PCDHA6: variants seen among roughly 807,000 people sequenced by gnomAD.
PCDHA6 encodes the protein protocadherin alpha-6.
Under a neutral mutation model 60.3 loss-of-function variants are expected in PCDHA6, and 55 were observed. The ratio of observed to expected loss-of-function variants is 0.91; its 90% CI spans 0.73 to 1.14. The LOEUF is 1.14. PCDHA6 is among the 50% of genes most tolerant of loss of function. The pLI, the probability that PCDHA6 is intolerant of heterozygous loss-of-function variation, is 0.00. For synonymous variants in PCDHA6, 652 were observed against 557.9 expected (o/e 1.17, Z -2.38); for missense variants, 1,327 against 1,256.5 (o/e 1.06, Z -0.85).
rs1229103510 is a variant in PCDHA6, at chr5:140,850,051, C to T, written c.2394+19566C>T. The T allele has an allele frequency of 6.3e-6, 10 of 1,596,302 alleles. 1 individual carries two copies. The highest frequency in any genetic ancestry group is 7.7e-6 in the Non-Finnish European group (9 of 1,167,790). Reference sequence around the variant, plus strand: ...CACGCGGAGAGCGGCAAGGTGTACGCGCTGCAGCCGTTGGACCACGAGGAG... The same window carrying T: ...CACGCGGAGAGCGGCAAGGTGTACGTGCTGCAGCCGTTGGACCACGAGGAG... On this transcript the variant is annotated intron_variant, in intron 1 of 3. Coordinates refer to ENST00000529310, the MANE Select transcript of PCDHA6 (RefSeq NM_018909.4).
At chr5:140,971,419 G>A (rs1554233321) in intron 1 of PCDHA6, among the ~76,000 whole-genome samples, 1 of 152,140 alleles carries the variant, frequency 6.6e-6, no homozygotes. Context: ...TGGAAATCCA[G>A]TGAAGAACCC....
rs200850648 is a variant in PCDHA6, at chr5:140,842,182, T to C, written c.2394+11697T>C. 3.0e-4 allele frequency: 478 copies of C among 1,613,232 alleles called. 6 individuals carry two copies. Among genetic ancestry groups the C allele is most frequent in the African/African-American group, 2.2e-3 (164 of 74,868 alleles). ...ATTCTTTTAATAGCCTTGTTGAAAC[T>C]ATGGTTATTGACCACTTTAGCATAG... is the stretch of plus-strand genomic sequence containing the variant. On this transcript the variant is annotated intron_variant, in intron 1 of 3. Coordinates refer to ENST00000529310, the MANE Select transcript of PCDHA6 (RefSeq NM_018909.4).
intron 1 of PCDHA6, among the ~76,000 whole-genome samples, chr5:140,946,752 A>G (rs1470208958): frequency 9.2e-5 from 14 of 151,470 alleles, no homozygotes; most frequent in African/African-American, 3.4e-4. Context: ...CAAATACTGC[A>G]TGATCTCATT....
intron 1 of PCDHA6, among the ~76,000 whole-genome samples, chr5:140,941,906 GC>G: frequency 6.6e-6 from 1 of 152,248 alleles, no homozygotes; most frequent in South Asian, 2.1e-4. Context: ...ACATTGAAAT[GC>G]TTTTATGTAT....
intron 1 of PCDHA6, among the ~76,000 whole-genome samples, chr5:140,924,904 AAT>A (rs1277700524): frequency 5.2e-4 from 28 of 54,160 alleles, no homozygotes; most frequent in African/African-American, 2.1e-3. Context: ...CAAAAAAAAA[AAT>A]AAAATAAAAT....
At chr5:140,974,931 A>G (rs555720345) in intron 1 of PCDHA6, among the ~76,000 whole-genome samples, 1 of 152,324 alleles carries the variant, frequency 6.6e-6, no homozygotes, top group African/African-American at 2.4e-5. Context: ...TGTTTAAAAC[A>G]CCACCTATTT....
At chr5:140,947,095 A>T (rs2094086285) in intron 1 of PCDHA6, among the ~76,000 whole-genome samples, 1 of 151,642 alleles carries the variant, frequency 6.6e-6, no homozygotes, top group Non-Finnish European at 1.5e-5. Flanking sequence ...ACTGTAGCCC[A>T]TAAATAGGTA....
intron 1 of PCDHA6, chr5:140,859,802 T>G (rs1318090519): frequency 6.6e-6 from 1 of 152,544 alleles, no homozygotes; most frequent in Non-Finnish European, 1.5e-5. Flanking sequence ...TTATAGATGC[T>G]AAGTTAATGC....
At chr5:140,836,250 C>T (rs1554135772) in intron 1 of PCDHA6, 18 of 1,613,676 alleles carry the variant, frequency 1.1e-5, no homozygotes, top group Non-Finnish European at 1.4e-5. Context: ...CATCCCGTTC[C>T]GCGTGGGGCT....
At chr5:140,845,196 T>C (rs1470721997) in intron 1 of PCDHA6, among the ~76,000 whole-genome samples, 3 of 149,356 alleles carry the variant, frequency 2.0e-5, no homozygotes, top group African/African-American at 7.4e-5. Flanking sequence ...AATATGATTG[T>C]TTTCATTTAA....
At chr5:140,836,565 T>G (rs2150264210) in intron 1 of PCDHA6, 7 of 1,613,616 alleles carry the variant, frequency 4.3e-6, no homozygotes, top group African/African-American at 1.3e-5. Flanking sequence ...AGCGCCGTCC[T>G]CTGAGGGCGC....
At chr5:140,831,694 A>G (rs1771669768) in intron 1 of PCDHA6, among the ~76,000 whole-genome samples, 1 of 152,076 alleles carries the variant, frequency 6.6e-6, no homozygotes. Context: ...AAAGCAGCAA[A>G]AAGTAGTGAT....
In PCDHA6 at chr5:140,857,559, C is replaced by T; in HGVS notation, c.2394+27074C>T. On this transcript the variant is annotated intron_variant, in intron 1 of 3. Transcript: ENST00000529310. The stretch of plus-strand genomic sequence containing the variant: ...CGGCGGTTGGGCGAGCGCTCGCTGT[C>T]GAGCTACGTGTCGGTGCACGCGGAG... 1.3e-6 allele frequency: 2 copies of T among 1,596,876 alleles called. No homozygotes were observed. Among genetic ancestry groups the T allele is most frequent in the South Asian group, 1.1e-5 (1 of 90,494 alleles).
At chr5:140,884,396 C>T (rs2060144550) in intron 1 of PCDHA6, 1 of 1,614,012 alleles carries the variant, frequency 6.2e-7, no homozygotes, top group Middle Eastern at 1.6e-4. Context: ...GGTGTCCAGC[C>T]TGTTGGTGCT....
intron 1 of PCDHA6, among the ~76,000 whole-genome samples, chr5:140,947,597 G>A (rs1231530518): frequency 1.3e-5 from 2 of 151,586 alleles, no homozygotes; most frequent in African/African-American, 4.8e-5. Context: ...TCAATTTAGG[G>A]AAGATTTGGT....
At chr5:140,833,018 C>T (rs1360278866) in intron 1 of PCDHA6, among the ~76,000 whole-genome samples, 1 of 152,022 alleles carries the variant, frequency 6.6e-6, no homozygotes, top group East Asian at 1.9e-4. Context: ...ACATGGTTCC[C>T]ATAAGAGAGA....
intron 3 of PCDHA6, among the ~76,000 whole-genome samples, chr5:140,992,017 CTGTG>C (rs10602499): frequency 0.28 from 40,265 of 145,404 alleles, 5,754 homozygotes; most frequent in East Asian, 0.38. Flanking sequence ...AGAGGTGGCT[CTGTG>C]TGTGTGTGTG....
At chr5:140,876,660 G>C in intron 1 of PCDHA6, 1 of 1,614,216 alleles carries the variant, frequency 6.2e-7, no homozygotes, top group Non-Finnish European at 8.5e-7. Context: ...TTCCCTTCAA[G>C]CTGGTGTCCA....
intron 1 of PCDHA6, among the ~76,000 whole-genome samples, chr5:140,943,885 T>C (rs762067236): frequency 6.6e-5 from 10 of 152,242 alleles, no homozygotes; most frequent in Non-Finnish European, 1.2e-4. Flanking sequence ...TTCATTGGAC[T>C]GGTCATTATG....
Sources: allele counts gnomAD v4.1 joint callset (sites outside exome capture counted in the v4.1 genomes callset), GRCh38; gene constraint gnomAD v4.1.1; transcripts MANE v1.5; gene names NCBI Gene and HGNC (gene_info 2026-07-23, HGNC 2026-07-21).